Variants in UTRN observed in about 807,000 individuals in gnomAD.
UTRN encodes utrophin.
Under a neutral mutation model 463.9 loss-of-function variants are expected in UTRN, and 283 were observed. The ratio of observed to expected loss-of-function variants is 0.61; its 90% CI spans 0.55 to 0.67. The LOEUF (loss-of-function observed/expected upper bound fraction) is 0.67. UTRN is among the 30% of genes least tolerant of loss of function. The pLI is 0.00. For synonymous variants in UTRN, 1,442 were observed against 1,431.5 expected (o/e 1.01, Z -0.17); for missense variants, 3,922 against 4,084.3 (o/e 0.96, Z 1.08).
intron 51 of UTRN, among the ~76,000 whole-genome samples, chr6:144,614,150 A>G (rs1805820827): frequency 6.6e-6 from 1 of 152,128 alleles, no homozygotes; most frequent in Admixed American, 6.6e-5. Flanking sequence ...GTAGCCTGAA[A>G]GAATAGGTAT....
At chr6:144,595,268 G>A (rs4537164) in intron 51 of UTRN, among the ~76,000 whole-genome samples, 47,900 of 151,918 alleles carry the variant, frequency 0.32, 9,032 homozygotes, top group East Asian at 0.78. Flanking sequence ...ATGCAGAGCT[G>A]GAGTATTATG....
chr6:144,299,574 A>G (rs1805048014), intron 2 of UTRN, among the ~76,000 whole-genome samples: 1 of 152,008 alleles, frequency 6.6e-6, no homozygotes, highest in Non-Finnish European at 1.5e-5. Flanking sequence ...TGATACCAAT[A>G]TATCTAGTGC....
chr6:144,507,167 C>G (rs543884903), intron 34 of UTRN, among the ~76,000 whole-genome samples: 1 of 151,916 alleles, frequency 6.6e-6, no homozygotes, highest in African/African-American at 2.4e-5. Flanking sequence ...GTTTCTGTAA[C>G]CTTTTTTTCA....
intron 6 of UTRN, among the ~76,000 whole-genome samples, chr6:144,425,556 T>G (rs904448031): frequency 4.6e-5 from 7 of 152,232 alleles, no homozygotes; most frequent in Non-Finnish European, 1.0e-4. Flanking sequence ...TCCTTCTACA[T>G]TAGTTGGTGT....
At chr6:144,581,981 T>C (rs1802010228) in intron 51 of UTRN, among the ~76,000 whole-genome samples, 1 of 152,190 alleles carries the variant, frequency 6.6e-6, no homozygotes, top group South Asian at 2.1e-4. Context: ...ATGGTGACAT[T>C]GTTAGCCTCA....
chr6:144,285,686 T>TA lies in UTRN; in HGVS notation c.-228_-227insA, dbSNP rs1803600494. ...GCTTCTCCAAGCTTTATTTTTTTTT[T>TA]TAAATACATCGCACCACCAAACTAA... On this transcript the variant is annotated 5_prime_UTR_variant, in exon 1 of 75. Coordinates refer to ENST00000367545, the MANE Select transcript of UTRN (RefSeq NM_007124.3). 1 of 152,058 alleles carries TA rather than the reference T, an allele frequency of 6.6e-6. No homozygotes were observed. The highest frequency in any genetic ancestry group is 2.1e-4 in the South Asian group (1 of 4,816). 9.4% of individuals were successfully genotyped at this position (152,058 alleles called of 1,614,324 possible). A position where few individuals can be genotyped will look rare whatever the true frequency, so the allele number is the denominator to read the frequency against.
At chr6:144,665,366 T>G (rs1250221594) in intron 51 of UTRN, among the ~76,000 whole-genome samples, 1 of 152,212 alleles carries the variant, frequency 6.6e-6, no homozygotes, top group African/African-American at 2.4e-5. Context: ...TCATGATGTT[T>G]TATTGATTTG....
intron 58 of UTRN, among the ~76,000 whole-genome samples, chr6:144,767,170 G>A (rs567238535): frequency 1.1e-3 from 174 of 152,254 alleles, no homozygotes; most frequent in African/African-American, 3.9e-3. Context: ...AGGGAATATA[G>A]TGCAGTTGCC....
At chr6:144,306,404 G>T (rs1241932767) in intron 2 of UTRN, among the ~76,000 whole-genome samples, 2 of 152,142 alleles carry the variant, frequency 1.3e-5, no homozygotes, top group African/African-American at 4.8e-5. Context: ...CTGGGAAGGA[G>T]GAGAGGGGAG....
chr6:144,346,628 GC>G (rs1434342476), intron 2 of UTRN, among the ~76,000 whole-genome samples: 1 of 152,192 alleles, frequency 6.6e-6, no homozygotes, highest in East Asian at 1.9e-4. Context: ...CAGGCCAGGA[GC>G]CTGGCCAATG....
intron 30 of UTRN, among the ~76,000 whole-genome samples, chr6:144,489,211 G>A (rs560877557): frequency 4.4e-4 from 67 of 151,910 alleles, no homozygotes; most frequent in African/African-American, 9.7e-4. Flanking sequence ...CACCACGCCC[G>A]GCTAATTTTT....
chr6:144,609,727 T>G (rs1805269419), intron 51 of UTRN, among the ~76,000 whole-genome samples: 1 of 152,196 alleles, frequency 6.6e-6, no homozygotes, highest in Non-Finnish European at 1.5e-5. Flanking sequence ...TCATATCAAG[T>G]GTTCTTTCAG....
intron 2 of UTRN, among the ~76,000 whole-genome samples, chr6:144,325,443 A>C (rs1584286734): frequency 6.6e-6 from 1 of 152,232 alleles, no homozygotes; most frequent in South Asian, 2.1e-4. Flanking sequence ...CCCTCAGTAG[A>C]TGCCAGTGCC....
intron 2 of UTRN, among the ~76,000 whole-genome samples, chr6:144,332,073 A>G (rs1365795503): frequency 6.6e-6 from 1 of 152,144 alleles, no homozygotes; most frequent in Non-Finnish European, 1.5e-5. Flanking sequence ...GCTCTTGGCT[A>G]TCTCCTTCTC....
intron 51 of UTRN, among the ~76,000 whole-genome samples, chr6:144,651,590 A>G (rs1778822821): frequency 6.6e-6 from 1 of 152,232 alleles, no homozygotes; most frequent in Non-Finnish European, 1.5e-5. Flanking sequence ...ACATCAATGA[A>G]TATTTTCTCA....
At chr6:144,304,870 A>G (rs947155306) in intron 2 of UTRN, among the ~76,000 whole-genome samples, 3 of 152,024 alleles carry the variant, frequency 2.0e-5, no homozygotes, top group Non-Finnish European at 4.4e-5. Flanking sequence ...AAAAATGTAC[A>G]GGAAATGATA....
intron 58 of UTRN, among the ~76,000 whole-genome samples, chr6:144,760,850 G>T (rs1172018235): frequency 6.6e-6 from 1 of 152,128 alleles, no homozygotes; most frequent in Non-Finnish European, 1.5e-5. Context: ...AACGTTTTTG[G>T]TGTTTAAGTA....
At chr6:144,700,359 CA>C (rs1399643712) in intron 53 of UTRN, 116 bp downstream of exon 53, 4 of 1,187,484 alleles carry the variant, frequency 3.4e-6, no homozygotes, top group African/African-American at 3.1e-5. Context: ...TTCCCCCCCC[CA>C]CCACCGTCTG....
intron 52 of UTRN, among the ~76,000 whole-genome samples, chr6:144,685,148 AG>A (rs1268012286): frequency 6.6e-6 from 1 of 151,966 alleles, no homozygotes. Flanking sequence ...TCCATTCCTG[AG>A]TTACTTTATT....
Sources: gnomAD v4.1 joint callset for allele counts (sites outside exome capture counted in the v4.1 genomes callset) on GRCh38, gnomAD v4.1.1 for gene constraint, MANE v1.5 for transcripts, NCBI Gene and HGNC (gene_info 2026-07-23, HGNC 2026-07-21) for gene names.